The following TMEM132D variants were observed in gnomAD, a reference collection of about 807,000 sequenced individuals.
TMEM132D encodes the protein transmembrane protein 132D.
Under a neutral mutation model 62.3 loss-of-function variants are expected in TMEM132D, and 21 were observed. The ratio of observed to expected loss-of-function variants is 0.34; its 90% CI spans 0.24 to 0.49. The LOEUF (loss-of-function observed/expected upper bound fraction) is 0.49. Ranked by LOEUF, TMEM132D falls within the 20% of genes least tolerant of loss-of-function variation. The pLI is 0.99. For missense variants in TMEM132D, 1,346 were observed against 1,402.8 expected (o/e 0.96, Z 0.65); for synonymous variants, 621 against 575.6 (o/e 1.08, Z -1.13).
chr12:129,133,385 A>G (rs1293611564), intron 5 of TMEM132D, among the ~76,000 whole-genome samples: 1 of 152,264 alleles, frequency 6.6e-6, no homozygotes, highest in Non-Finnish European at 1.5e-5. Flanking sequence ...AATATGGTCC[A>G]CACGTATAAT....
intron 3 of TMEM132D, among the ~76,000 whole-genome samples, chr12:129,423,409 C>T (rs983955987): frequency 6.6e-6 from 1 of 152,168 alleles, no homozygotes; most frequent in African/African-American, 2.4e-5. Context: ...CTCTCTTCTG[C>T]AACATCCGGC....
intron 4 of TMEM132D, among the ~76,000 whole-genome samples, chr12:129,275,970 C>T (rs188312903): frequency 2.6e-5 from 4 of 152,264 alleles, no homozygotes; most frequent in East Asian, 1.9e-4. Flanking sequence ...GCAGTCCAGG[C>T]GTGTTTAGCA....
chr12:129,216,833 C>T (rs753846460), intron 4 of TMEM132D, among the ~76,000 whole-genome samples: 9 of 152,218 alleles, frequency 5.9e-5, no homozygotes, highest in Non-Finnish European at 1.2e-4. Context: ...TCATTCTAAC[C>T]ATTGATTTCC....
At chr12:129,864,981 C>T (rs535520779) in intron 1 of TMEM132D, among the ~76,000 whole-genome samples, 1 of 152,072 alleles carries the variant, frequency 6.6e-6, no homozygotes, top group Non-Finnish European at 1.5e-5. Flanking sequence ...CATCATGAAG[C>T]CTGTAATCAC....
chr12:129,780,153 G>A (rs1225915902), intron 1 of TMEM132D, among the ~76,000 whole-genome samples: 4 of 152,064 alleles, frequency 2.6e-5, no homozygotes, highest in Admixed American at 6.5e-5. Context: ...ATCCAAGCCC[G>A]AGCACCGGTC....
At chr12:129,844,420 C>T (rs1250523217) in intron 1 of TMEM132D, among the ~76,000 whole-genome samples, 1 of 152,154 alleles carries the variant, frequency 6.6e-6, no homozygotes, top group African/African-American at 2.4e-5. Flanking sequence ...CCTCCACTCT[C>T]CGGATCCCCC....
chr12:129,193,459 C>A (rs951424324), intron 5 of TMEM132D, among the ~76,000 whole-genome samples: 1 of 152,182 alleles, frequency 6.6e-6, no homozygotes, highest in Non-Finnish European at 1.5e-5. Flanking sequence ...GCAATTTGGG[C>A]TGCTGCCACC....
intron 1 of TMEM132D, among the ~76,000 whole-genome samples, chr12:129,788,583 T>G (rs1245085481): frequency 6.6e-6 from 1 of 152,212 alleles, no homozygotes; most frequent in Non-Finnish European, 1.5e-5. Flanking sequence ...CAAAAAGACT[T>G]TGGCACACAA....
chr12:129,798,084 C>T (rs1435792813), intron 1 of TMEM132D, among the ~76,000 whole-genome samples: 1 of 152,180 alleles, frequency 6.6e-6, no homozygotes, highest in East Asian at 1.9e-4. Flanking sequence ...CGATTGCACT[C>T]TTGCCATGTG....
chr12:129,900,348 TCTACA>T (rs762096092), intron 1 of TMEM132D, among the ~76,000 whole-genome samples: 1 of 152,160 alleles, frequency 6.6e-6, no homozygotes, highest in Non-Finnish European at 1.5e-5. Context: ...GGCCAGAAGC[TCTACA>T]TATGGAAGCA....
At chr12:129,747,206 ACTC>A (rs140800030) in intron 1 of TMEM132D, among the ~76,000 whole-genome samples, 86,994 of 122,884 alleles carry the variant, frequency 0.71, 27,534 homozygotes, top group Middle Eastern at 0.78. Context: ...TCTCCTTCTT[ACTC>A]CTCCTTCCAG....
intron 3 of TMEM132D, among the ~76,000 whole-genome samples, chr12:129,448,537 T>C (rs1435976192): frequency 1.3e-5 from 2 of 152,208 alleles, no homozygotes. Context: ...CCATCCATGT[T>C]GCTGCAAAGG....
intron 5 of TMEM132D, among the ~76,000 whole-genome samples, chr12:129,102,331 C>T (rs1483851242): frequency 6.6e-6 from 1 of 151,774 alleles, no homozygotes. Flanking sequence ...CACACTTACA[C>T]ATGCACACAC....
At chr12:129,529,277 G>C (rs1593052726) in intron 3 of TMEM132D, among the ~76,000 whole-genome samples, 2 of 152,292 alleles carry the variant, frequency 1.3e-5, no homozygotes, top group Middle Eastern at 6.8e-3. Flanking sequence ...TTCTATTCAG[G>C]GTCCTCGTTT....
chr12:129,787,044 G>A (rs1195956071), intron 1 of TMEM132D, among the ~76,000 whole-genome samples: 2 of 152,202 alleles, frequency 1.3e-5, no homozygotes, highest in Non-Finnish European at 2.9e-5. Context: ...GGTGCAGTGA[G>A]AGGGTCTGTG....
intron 4 of TMEM132D, among the ~76,000 whole-genome samples, chr12:129,229,900 C>T (rs1879589803): frequency 6.6e-6 from 1 of 152,176 alleles, no homozygotes; most frequent in African/African-American, 2.4e-5. Flanking sequence ...TAGTGTAAAA[C>T]CCAAAAGTCA....
At chr12:129,542,993 G>C (rs1329376166) in intron 2 of TMEM132D, among the ~76,000 whole-genome samples, 1 of 151,796 alleles carries the variant, frequency 6.6e-6, no homozygotes, top group Non-Finnish European at 1.5e-5. Flanking sequence ...CTATGTTTGT[G>C]TACTCCATGA....
intron 5 of TMEM132D, among the ~76,000 whole-genome samples, chr12:129,147,914 T>C (rs186276002): frequency 1.3e-5 from 2 of 152,324 alleles, no homozygotes; most frequent in Admixed American, 6.5e-5. Flanking sequence ...AAACCAACTT[T>C]CGTGTGATGG....
intron 3 of TMEM132D, among the ~76,000 whole-genome samples, chr12:129,402,928 T>C (rs1013950696): frequency 3.9e-5 from 6 of 152,112 alleles, no homozygotes; most frequent in Non-Finnish European, 8.8e-5. Flanking sequence ...GCACCCACAG[T>C]CACCTTTATT....
Sources: gnomAD v4.1 joint callset for allele counts (sites outside exome capture counted in the v4.1 genomes callset) on GRCh38, gnomAD v4.1.1 for gene constraint, MANE v1.5 for transcripts, NCBI Gene and HGNC (gene_info 2026-07-23, HGNC 2026-07-21) for gene names.